TRIOBP: variants seen among roughly 807,000 people sequenced by gnomAD.
The protein encoded by TRIOBP is TRIO and F-actin binding protein, also known as TRIO and F-actin-binding protein.
Under a neutral mutation model 238.8 loss-of-function variants are expected in TRIOBP, and 169 were observed. That is an observed-to-expected ratio of 0.71 (90% CI 0.62 to 0.80). The LOEUF is 0.80. Ranked by LOEUF, TRIOBP falls within the 30% of genes least tolerant of loss-of-function variation. The pLI, the probability that TRIOBP is intolerant of heterozygous loss-of-function variation, is 0.00. For synonymous variants in TRIOBP, 1,150 were observed against 1,274.4 expected (o/e 0.90, Z 2.08); for missense variants, 2,838 against 3,122.6 (o/e 0.91, Z 2.17).
intron 11 of TRIOBP, among the ~76,000 whole-genome samples, chr22:37,747,964 A>G (rs556142863): frequency 6.6e-6 from 1 of 152,186 alleles, no homozygotes; most frequent in African/African-American, 2.4e-5. Flanking sequence ...TGGACAGCAC[A>G]TCCCTGCTGG....
rs184255080 is a variant in TRIOBP, at chr22:37,769,295, C to G, written c.6769C>G (p.Gln2257Glu). Residue 2257 changes from glutamine (Q) to glutamate (E), a missense_variant, in exon 21 of 24, where the codon CAG becomes GAG. By Grantham distance (29) the Gln-to-Glu change is conservative (BLOSUM62 2). Around this residue, in one of 5 missense-constraint regions of TRIOBP, gnomAD observed 2,096 missense variants for 2,137.4 expected, o/e 0.98. Coordinates refer to ENST00000644935, the MANE Select transcript of TRIOBP (RefSeq NM_001039141.3). ...TGGCCGCCTGTCAGAGGAGATAGAC[C>G]AGCTGCGCGGCTTCATTGCCTCGCA... ...LHGRLSEEID[Q>E]LRGFIASQGM... 6.8e-6 allele frequency: 11 copies of G among 1,612,076 alleles called. 1 individual carries two copies. The Admixed American group carries it at 1.3e-4, about 20-fold the overall frequency.
chr22:37,749,279 C>T (rs551247336), intron 11 of TRIOBP, among the ~76,000 whole-genome samples: 18 of 152,164 alleles, frequency 1.2e-4, no homozygotes, highest in African/African-American at 4.1e-4. Context: ...CGCTTCAACC[C>T]GGGAGGTGGA....
Position 37,774,122 on chromosome 22 carries a change from T to TA in TRIOBP, c.*342_*343insA, listed in dbSNP as rs201541475. The TA allele has an allele frequency of 9.4e-3, 882 of 93,580 alleles. 14 individuals carry two copies. The highest frequency in any genetic ancestry group is 0.045 in the African/African-American group (803 of 17,872). The allele number at this position is 93,580 out of a possible 1,614,324, so 5.8% of individuals were successfully genotyped here. A position where few individuals can be genotyped will look rare whatever the true frequency, so the allele number is the denominator to read the frequency against. On this transcript the variant is annotated 3_prime_UTR_variant, in exon 24 of 24. Coordinates refer to ENST00000644935, the MANE Select transcript of TRIOBP (RefSeq NM_001039141.3). ...CTTTTTTTCCAAAACACTTTATACT[T>TA]TAAAAAAAAAAAAAAAAAGCAATTC...
intron 5 of TRIOBP, 135 bp from the exon 6 acceptor site, chr22:37,715,628 C>T: frequency 9.8e-7 from 1 of 1,023,482 alleles, no homozygotes; most frequent in Non-Finnish European, 1.5e-6. Context: ...CAGGCGTGAG[C>T]CACAGCGCCT....
intron 10 of TRIOBP, among the ~76,000 whole-genome samples, chr22:37,739,668 C>T (rs906930824): frequency 2.6e-5 from 4 of 152,202 alleles, no homozygotes; most frequent in African/African-American, 9.7e-5. Context: ...TGGCTTCGAA[C>T]GGCAGTGCTG....
chr22:37,738,524 T>TG (rs1301290205), intron 9 of TRIOBP, 118 bp from the exon 10 acceptor site: 1 of 924,756 alleles, frequency 1.1e-6, no homozygotes, highest in Non-Finnish European at 1.7e-6. Context: ...GATCTACTGA[T>TG]GCTGGACGTT....
chr22:37,738,900 G>C (rs550501944), intron 10 of TRIOBP, among the ~76,000 whole-genome samples, 181 bp downstream of exon 10: 2 of 152,312 alleles, frequency 1.3e-5, no homozygotes, highest in South Asian at 4.1e-4. Context: ...CCACCTTCTG[G>C]CTTGGGGACC....
chr22:37,710,625 C>T, intron 4 of TRIOBP, 59 bp downstream of exon 4: 2 of 1,563,388 alleles, frequency 1.3e-6, no homozygotes, highest in East Asian at 4.6e-5. Context: ...CTCACCCTTC[C>T]CATTTGCACT....
chr22:37,707,689 C>A (rs1923014456), intron 3 of TRIOBP, among the ~76,000 whole-genome samples: 2 of 151,952 alleles, frequency 1.3e-5, no homozygotes, highest in African/African-American at 4.8e-5. Context: ...CGTCTGTAAT[C>A]CCAGCACTTT....
rs1293203139 is a variant in TRIOBP at position 37,755,174 on chromosome 22, A to G, written c.5561A>G (p.Tyr1854Cys). 2 of 1,612,614 alleles carry G rather than the reference A, an allele frequency of 1.2e-6. No individual in the cohort carries two copies. The highest frequency in any genetic ancestry group is 1.7e-6 in the Non-Finnish European group (2 of 1,179,346). ...ACTGAGTACGCGGTGCAGCGCAACTATGGCTTCCAGATCCACGTGAGGCTG... is the reference window on the plus strand; with the variant it reads ...ACTGAGTACGCGGTGCAGCGCAACTGTGGCTTCCAGATCCACGTGAGGCTG... ...DVTEYAVQRN[Y>C]GFQIHTKDAV... The change falls in exon 14 of 24, where the codon TAT (tyrosine) becomes TGT (cysteine). Residue 1854 changes from tyrosine (Y) to cysteine (C), a missense_variant. Tyr to Cys is a radical substitution (Grantham distance 194, BLOSUM62 -2). Coordinates refer to ENST00000644935, the MANE Select transcript of TRIOBP (RefSeq NM_001039141.3).
chr22:37,698,353 C>A (rs1174466932), intron 2 of TRIOBP, among the ~76,000 whole-genome samples: 1 of 100,662 alleles, frequency 9.9e-6, no homozygotes, highest in Non-Finnish European at 2.1e-5. Flanking sequence ...ACTGCAAGAG[C>A]CTTTTTTTTT....
intron 8 of TRIOBP, among the ~76,000 whole-genome samples, chr22:37,733,873 G>A (rs1924539252): frequency 6.6e-6 from 1 of 152,130 alleles, no homozygotes; most frequent in African/African-American, 2.4e-5. Context: ...GTTTCACCAT[G>A]TTGGCCAGGC....
chr22:37,752,960 G>A (rs938730348), intron 12 of TRIOBP, among the ~76,000 whole-genome samples: 3 of 152,208 alleles, frequency 2.0e-5, no homozygotes, highest in Non-Finnish European at 2.9e-5. Flanking sequence ...AGAACTCAGC[G>A]CACCTGAGGC....
rs367687004 is a variant in TRIOBP at position 37,719,989 on chromosome 22, C to CACACTGCACTCACTGTTTCACTCCT, written c.629-3196_629-3195insACACTGCACTCACTGTTTCACTCCT. Among the ~76,000 whole-genome samples, 50 of 71,232 alleles carry CACACTGCACTCACTGTTTCACTCCT rather than the reference C, an allele frequency of 7.0e-4. 5 individuals carry two copies. The highest frequency in any genetic ancestry group is 1.7e-3 in the East Asian group (4 of 2,392). The allele number at this position is 71,232 out of a possible 152,430, so 46.7% of individuals were successfully genotyped here. On this transcript the variant is annotated intron_variant, in intron 6 of 23. Transcript: ENST00000644935. ...ACACTGCACTCACTGTTTCACTCATCCCCCCCCGCCCTTTTTTTTTTTTTT... is the reference window on the plus strand; with the variant it reads ...ACACTGCACTCACTGTTTCACTCATCACACTGCACTCACTGTTTCACTCCTCCCCCCCGCCCTTTTTTTTTTTTTT...
Position 37,725,608 on chromosome 22 carries a change from A to G in TRIOBP, c.3052A>G (p.Ile1018Val). Residue 1018 changes from isoleucine to valine, a missense_variant, in exon 7 of 24, where the codon ATT (isoleucine) becomes GTT (valine). Ile to Val is a conservative substitution (Grantham distance 29, BLOSUM62 3). This residue lies in a region of TRIOBP where 2,096 missense variants were observed against 2,137.4 expected (regional missense o/e 0.98). Coordinates refer to ENST00000644935, the MANE Select transcript of TRIOBP (RefSeq NM_001039141.3). The stretch of plus-strand genomic sequence containing the variant: ...CTCCCAGCCTCCATGTGCTGTGTGC[A>G]TTGGGCACCGGGATGCCCCTCGAGC... The part of the protein sequence containing the change: ...EPSQPPCAVC[I>V]GHRDAPRASS... 7 of 1,613,714 alleles carry G rather than the reference A, an allele frequency of 4.3e-6. No individual in the cohort carries two copies. The highest frequency in any genetic ancestry group is 1.1e-5 in the South Asian group (1 of 91,070).
chr22:37,721,634 G>A (rs532369021), intron 6 of TRIOBP, among the ~76,000 whole-genome samples: 1 of 152,194 alleles, frequency 6.6e-6, no homozygotes, highest in East Asian at 1.9e-4. Flanking sequence ...CGTACCACCA[G>A]GCCCTGCTAA....
chr22:37,754,845 A>C, intron 12 of TRIOBP, 32 bp from the exon 13 acceptor site: 1 of 1,607,546 alleles, frequency 6.2e-7, no homozygotes, highest in Non-Finnish European at 8.5e-7. Context: ...ACAATCACAC[A>C]CACTGGCTCT....
Position 37,776,050 on chromosome 22 carries a change from C to T in TRIOBP, c.*2270C>T, listed in dbSNP as rs1251612566. On this transcript the variant is annotated 3_prime_UTR_variant, in exon 24 of 24. Transcript: ENST00000644935. ...ATCCCACCGTCCCCCCAAGACAGCT[C>T]TCCATCCCATCCTCTGCCTCCCTTC... is the stretch of plus-strand genomic sequence containing the variant. The T allele has an allele frequency of 6.6e-6, 1 of 152,328 alleles. No individual in the cohort carries two copies. The highest frequency in any genetic ancestry group is 6.5e-5 in the Admixed American group (1 of 15,274). The allele number at this position is 152,328 out of a possible 1,614,324, so 9.4% of individuals were successfully genotyped here.
chr22:37,727,538 G>A (rs924172480), intron 7 of TRIOBP, among the ~76,000 whole-genome samples: 1 of 151,968 alleles, frequency 6.6e-6, no homozygotes, highest in Non-Finnish European at 1.5e-5. Flanking sequence ...CATGGTGGCG[G>A]GCGCCTGTAG....
Sources: allele counts gnomAD v4.1 joint callset (sites outside exome capture counted in the v4.1 genomes callset), GRCh38; gene constraint gnomAD v4.1.1; regional missense constraint gnomAD v4.1.1; transcripts MANE v1.5; gene names NCBI Gene and HGNC (gene_info 2026-07-23, HGNC 2026-07-21).